The following SERINC5 variants were observed in gnomAD, a reference collection of about 807,000 sequenced individuals.
SERINC5 encodes the protein serine incorporator 5.
In SERINC5, 41 loss-of-function variants were observed where a neutral mutation model predicts 63.1. That is an observed-to-expected ratio of 0.65 (90% CI 0.51 to 0.84). The LOEUF is 0.84. Ranked by LOEUF, SERINC5 falls within the 40% of genes least tolerant of loss-of-function variation. SERINC5 has a pLI of 0.00. For synonymous variants in SERINC5, 222 were observed against 215.2 expected, an observed-to-expected ratio of 1.03 and a Z score of -0.28; for missense variants, 523 against 573.0, an observed-to-expected ratio of 0.91 and a Z score of 0.89.
chr5:80,132,501 T>C (rs559839627), intron 11 of SERINC5, among the ~76,000 whole-genome samples: 1 of 152,162 alleles, frequency 6.6e-6, no homozygotes, highest in Non-Finnish European at 1.5e-5. Context: ...CACCCCAACC[T>C]GGAGCACCTC....
intron 7 of SERINC5, among the ~76,000 whole-genome samples, chr5:80,160,452 C>T (rs930874272): frequency 6.6e-5 from 10 of 152,150 alleles, no homozygotes; most frequent in Non-Finnish European, 1.3e-4. Flanking sequence ...CTCTAGAAAC[C>T]ACTTTACAAA....
intron 1 of SERINC5, among the ~76,000 whole-genome samples, chr5:80,232,359 A>G (rs1455758722): frequency 3.7e-4 from 56 of 151,320 alleles, no homozygotes; most frequent in Non-Finnish European, 6.0e-4. Context: ...AGCTGAGATC[A>G]CACCACTGCA....
intron 1 of SERINC5, among the ~76,000 whole-genome samples, chr5:80,244,601 C>A (rs985585774): frequency 6.6e-6 from 1 of 151,466 alleles, no homozygotes; most frequent in African/African-American, 2.4e-5. Flanking sequence ...GAGGCTGAGG[C>A]GGGTTGATCA....
Position 80,216,174 on chromosome 5 carries a change from C to G in SERINC5, c.28-13121G>C, listed in dbSNP as rs73774210. ...CCTTCAGAGCAGCGTTTCTATCACT[C>G]GACACTATTGACTGGGGGCCAGAAA... On this transcript the variant is annotated intron_variant, in intron 1 of 11. Transcript: ENST00000507668. 6.6e-3 allele frequency among the ~76,000 whole-genome samples: 999 copies of G among 152,252 alleles called. 13 individuals are homozygous for G. The highest frequency in any genetic ancestry group is 0.023 in the African/African-American group (954 of 41,542).
At chr5:80,135,191 G>GC (rs1745109800), downstream of SERINC5, among the ~76,000 whole-genome samples, 1 of 152,114 alleles carries the variant, frequency 6.6e-6, no homozygotes, top group Non-Finnish European at 1.5e-5. Context: ...ATGCCACCAA[G>GC]CCCGCCTAAT....
At position 80,143,478 on chromosome 5, in the gene SERINC5, A is replaced by T; in HGVS notation, c.*185T>A. The T allele has an allele frequency of 5.2e-6, 7 of 1,354,150 alleles. No homozygotes were observed. In the African/African-American group the frequency reaches 5.9e-5, roughly 11 times the overall value. 83.9% of individuals were successfully genotyped at this position (1,354,150 alleles called of 1,614,324 possible). A position where few individuals can be genotyped will look rare whatever the true frequency, so the allele number is the denominator to read the frequency against. On this transcript the variant is annotated 3_prime_UTR_variant, in exon 12 of 12. Coordinates refer to ENST00000507668, the MANE Select transcript of SERINC5 (RefSeq NM_001174072.3). ...TTGAAAATTTCAATTCCTTTGGGAC[A>T]AACTGGTAGTTTCTTTTTGAATTTC... is the stretch of plus-strand genomic sequence containing the variant.
At chr5:80,160,699 C>G (rs138764522) in intron 7 of SERINC5, among the ~76,000 whole-genome samples, 2 of 152,162 alleles carry the variant, frequency 1.3e-5, no homozygotes, top group Admixed American at 6.6e-5. Context: ...CATCCCCTCC[C>G]TCCTTCCTAT....
chr5:80,160,124 G>A (rs1444289342), intron 7 of SERINC5, among the ~76,000 whole-genome samples: 3 of 152,020 alleles, frequency 2.0e-5, no homozygotes, highest in Admixed American at 6.6e-5. Flanking sequence ...TTGAGCCTTC[G>A]ACCTGTGGGA....
rs1248433114 is a variant in SERINC5 at position 80,254,568 on chromosome 5, C to T, written c.27+1328G>A. Among the ~76,000 whole-genome samples the T allele has an allele frequency of 2.0e-5, 3 of 152,094 alleles. No individual in the cohort carries two copies. The East Asian group carries it at 5.8e-4, about 29-fold the overall frequency. On this transcript the variant is annotated intron_variant, in intron 1 of 11. Coordinates refer to ENST00000507668, the MANE Select transcript of SERINC5 (RefSeq NM_001174072.3). ...ATCATTACTACGTAATAAAAAGTGT[C>T]GCATCATATTGGAGAAAAAGTATTT...
At chr5:80,184,145 C>G (rs1443566402) in intron 2 of SERINC5, among the ~76,000 whole-genome samples, 1 of 152,082 alleles carries the variant, frequency 6.6e-6, no homozygotes, top group Non-Finnish European at 1.5e-5. Flanking sequence ...TCTCTAAAAG[C>G]TACATTCATG....
chr5:80,175,100 C>A, intron 4 of SERINC5, 53 bp from the exon 5 acceptor site: 1 of 1,282,436 alleles, frequency 7.8e-7, no homozygotes, highest in South Asian at 1.4e-5. Flanking sequence ...GTATTTTGCT[C>A]AAAAGAGAAT....
downstream of SERINC5, among the ~76,000 whole-genome samples, chr5:80,134,811 G>T (rs1193308142): frequency 6.6e-6 from 1 of 152,226 alleles, no homozygotes; most frequent in African/African-American, 2.4e-5. Context: ...AAGAACAAGT[G>T]TGTTCTCACA....
At chr5:80,164,430 A>T (rs990832437) in intron 7 of SERINC5, among the ~76,000 whole-genome samples, 1 of 151,932 alleles carries the variant, frequency 6.6e-6, no homozygotes, top group African/African-American at 2.4e-5. Flanking sequence ...GGTAGAGTGC[A>T]GTGGTGCAAT....
chr5:80,209,524 C>G (rs770343740), intron 1 of SERINC5, among the ~76,000 whole-genome samples: 28 of 152,146 alleles, frequency 1.8e-4, no homozygotes, highest in Non-Finnish European at 3.4e-4. Context: ...GTTATGGTGG[C>G]CCTAGCCAAC....
intron 1 of SERINC5, among the ~76,000 whole-genome samples, chr5:80,212,489 C>T (rs1359893279): frequency 6.6e-6 from 1 of 152,154 alleles, no homozygotes; most frequent in Admixed American, 6.5e-5. Flanking sequence ...ACCTTTGAGT[C>T]AACTGTGGTC....
chr5:80,212,889 G>C (rs1750500522), intron 1 of SERINC5, among the ~76,000 whole-genome samples: 1 of 152,278 alleles, frequency 6.6e-6, no homozygotes, highest in East Asian at 1.9e-4. Flanking sequence ...ATACACATGT[G>C]GTTTATCTGG....
At chr5:80,219,466 G>A (rs554178025) in intron 1 of SERINC5, among the ~76,000 whole-genome samples, 1 of 152,240 alleles carries the variant, frequency 6.6e-6, no homozygotes, top group Admixed American at 6.5e-5. Flanking sequence ...GAAGTGGAAG[G>A]AACGAATAGG....
Position 80,182,892 on chromosome 5 carries a change from T to C in SERINC5, c.196-4828A>G, listed in dbSNP as rs544626537. On this transcript the variant is annotated intron_variant, in intron 2 of 11. Coordinates refer to ENST00000507668, the MANE Select transcript of SERINC5 (RefSeq NM_001174072.3). ...GCTTTTTCTCCTGTAATTGGTCTTA[T>C]GTCAATTTAATTTGCTTCCAGAGAA... is the stretch of plus-strand genomic sequence containing the variant. Among the ~76,000 whole-genome samples, 26 of 152,270 alleles carry C rather than the reference T, an allele frequency of 1.7e-4. 4 individuals are homozygous for C. The highest frequency in any genetic ancestry group is 5.8e-4 in the African/African-American group (24 of 41,550).
In SERINC5 at chr5:80,140,304, CCAAAAAAAA is replaced by C; in HGVS notation, c.*3350_*3358del. On this transcript the variant is annotated 3_prime_UTR_variant, in exon 12 of 12. Coordinates refer to ENST00000507668, the MANE Select transcript of SERINC5 (RefSeq NM_001174072.3). ...CGTGGCTGACAGAGTGAGCCCGTCTCCAAAAAAAAAAAAAAAAAAAAAAAAAAAGGCTTA... is the reference window on the plus strand; with the variant it reads ...CGTGGCTGACAGAGTGAGCCCGTCTCAAAAAAAAAAAAAAAAAAAGGCTTA... 1.7e-6 allele frequency: 1 copy of C among 571,528 alleles called. No individual in the cohort carries two copies. Among genetic ancestry groups the C allele is most frequent in the Non-Finnish European group, 1.9e-6 (1 of 513,702 alleles). The allele number at this position is 571,528 out of a possible 1,614,324, so 35.4% of individuals were successfully genotyped here.
Sources: allele counts gnomAD v4.1 joint callset (sites outside exome capture counted in the v4.1 genomes callset), GRCh38; gene constraint gnomAD v4.1.1; transcripts MANE v1.5; gene names NCBI Gene and HGNC (gene_info 2026-07-23, HGNC 2026-07-21).